Variants in DIS3L2 observed in about 807,000 individuals in gnomAD.
The protein encoded by DIS3L2 is DIS3 like 3'-5' exoribonuclease 2, also known as DIS3-like exonuclease 2.
In DIS3L2, 34 loss-of-function variants were observed where a neutral mutation model predicts 97.5. That is an observed-to-expected ratio of 0.35 (90% CI 0.27 to 0.46). DIS3L2 has a LOEUF of 0.46. DIS3L2 is among the 20% of genes least tolerant of loss of function. The pLI is 1.00. For synonymous variants in DIS3L2, 435 were observed against 445.2 expected, an observed-to-expected ratio of 0.98 and a Z score of 0.29; for missense variants, 1,038 against 1,146.0, an observed-to-expected ratio of 0.91 and a Z score of 1.36.
intron 1 of DIS3L2, among the ~76,000 whole-genome samples, chr2:231,970,266 T>A (rs1692861319): frequency 6.6e-6 from 1 of 152,184 alleles, no homozygotes; most frequent in African/African-American, 2.4e-5. Context: ...TTTGTTAATA[T>A]GGTGAAATAT....
In DIS3L2 at chr2:232,210,384, T is replaced by C; in HGVS notation, c.1183T>C (p.Ser395Pro). 6.2e-7 allele frequency: 1 copy of C among 1,613,610 alleles called. No homozygotes were observed. ...STARDLDDAL[S>P]CKPLADGNFK... ...CGCCCGAGACCTCGATGATGCCCTC[T>C]CCTGCAAGCCACTCGCTGACGGTAG... The change falls in exon 10 of 21, where the codon TCC (serine) becomes CCC (proline). Residue 395 changes from serine to proline, a missense_variant. Ser to Pro is a moderately conservative substitution (Grantham distance 74, BLOSUM62 -1). Coordinates refer to ENST00000325385, the MANE Select transcript of DIS3L2 (RefSeq NM_152383.5).
intron 14 of DIS3L2, 28 bp from the exon 15 acceptor site, chr2:232,329,785 T>TCCCGGGCCCCCCCC: frequency 1.0e-6 from 1 of 967,144 alleles, no homozygotes; most frequent in East Asian, 3.1e-5. Flanking sequence ...ACCCCAGCGG[T>TCCCGGGCCCCCCCC]CCCTCCCATC....
chr2:232,060,607 G>A (rs1434235439), intron 5 of DIS3L2, among the ~76,000 whole-genome samples: 1 of 151,976 alleles, frequency 6.6e-6, no homozygotes, highest in Admixed American at 6.6e-5. Context: ...TTCCAGTTTC[G>A]TTCCTTTTGC....
Position 232,263,186 on chromosome 2 carries a change from GTAATC to G in DIS3L2, c.1426-19_1426-15del. On this transcript the variant is annotated splice_polypyrimidine_tract_variant and intron_variant, in intron 12 of 20. Coordinates refer to ENST00000325385, the MANE Select transcript of DIS3L2 (RefSeq NM_152383.5). ...AAACATTTGTCCTCACAATTCCCTT[GTAATC>G]TGTCCATCTTTGCAGATCCTTGATG... The G allele has an allele frequency of 6.2e-7, 1 of 1,611,670 alleles. No homozygotes were observed. The highest frequency in any genetic ancestry group is 1.1e-5 in the South Asian group (1 of 90,968).
chr2:232,139,565 G>A (rs181145877), intron 8 of DIS3L2, among the ~76,000 whole-genome samples: 9 of 152,192 alleles, frequency 5.9e-5, no homozygotes, highest in African/African-American at 9.6e-5. Context: ...GAAAGAGCGT[G>A]GATAAAACAG....
In DIS3L2 at chr2:232,166,492, G is replaced by A. The variant is rs111378702; in HGVS notation, c.1124+2860G>A. 8.6e-4 allele frequency among the ~76,000 whole-genome samples: 131 copies of A among 152,292 alleles called. 1 individual carries two copies. Among genetic ancestry groups the A allele is most frequent in the Non-Finnish European group, 1.6e-3 (106 of 68,012 alleles). On this transcript the variant is annotated intron_variant, in intron 9 of 20. Coordinates refer to ENST00000325385, the MANE Select transcript of DIS3L2 (RefSeq NM_152383.5). ...TGTAATCCTAGCACTTTGGAAGGCG[G>A]AGGCTGGCAGATCATGAGATCGAGA...
intron 11 of DIS3L2, 123 bp downstream of exon 11, chr2:232,238,768 T>C: frequency 1.2e-6 from 1 of 831,108 alleles, no homozygotes; most frequent in East Asian, 2.7e-5. Flanking sequence ...GACACAGGTG[T>C]TCATCTGAGG....
chr2:231,981,005 G>A (rs1693237839), intron 1 of DIS3L2, among the ~76,000 whole-genome samples: 1 of 152,064 alleles, frequency 6.6e-6, no homozygotes, highest in Admixed American at 6.6e-5. Context: ...GTGCAGTGGT[G>A]CGATCTCGGC....
rs556338200 is a variant in DIS3L2, at chr2:232,072,250, T to G, written c.367-15237T>G. ...ATACTACATGTAGCATACTCAATGG[T>G]GATATGTGCTGAAGAGAAAAAAAAT... On this transcript the variant is annotated intron_variant, in intron 5 of 20. Coordinates refer to ENST00000325385, the MANE Select transcript of DIS3L2 (RefSeq NM_152383.5). 2.6e-5 allele frequency among the ~76,000 whole-genome samples: 4 copies of G among 152,070 alleles called. No homozygotes were observed. The South Asian group carries it at 8.3e-4, about 32-fold the overall frequency.
At chr2:232,127,580 G>A (rs1449461532) in intron 6 of DIS3L2, among the ~76,000 whole-genome samples, 2 of 152,182 alleles carry the variant, frequency 1.3e-5, no homozygotes, top group African/African-American at 4.8e-5. Context: ...CCTGGGCAAT[G>A]TTGCTGTCTT....
intron 9 of DIS3L2, among the ~76,000 whole-genome samples, chr2:232,173,144 C>T (rs777975155): frequency 6.6e-6 from 1 of 152,046 alleles, no homozygotes; most frequent in Non-Finnish European, 1.5e-5. Context: ...GATGAAGACC[C>T]GTTTAGTCTG....
At chr2:232,130,151 A>G (rs561394395) in intron 6 of DIS3L2, among the ~76,000 whole-genome samples, 3 of 152,324 alleles carry the variant, frequency 2.0e-5, no homozygotes, top group African/African-American at 7.2e-5. Flanking sequence ...TTTAATAAAT[A>G]TAATCTATTT....
intron 6 of DIS3L2, among the ~76,000 whole-genome samples, chr2:232,129,327 G>T (rs1328469659): frequency 6.6e-6 from 1 of 152,104 alleles, no homozygotes; most frequent in Admixed American, 6.6e-5. Context: ...CATTGGTGAG[G>T]TATGTTATGG....
At chr2:232,104,857 C>T (rs1258164962) in intron 6 of DIS3L2, among the ~76,000 whole-genome samples, 5 of 152,008 alleles carry the variant, frequency 3.3e-5, no homozygotes, top group Non-Finnish European at 7.4e-5. Flanking sequence ...TGGCTGTGTT[C>T]CCCAGGCTGG....
At chr2:232,157,347 T>C (rs563132370) in intron 8 of DIS3L2, among the ~76,000 whole-genome samples, 24 of 152,308 alleles carry the variant, frequency 1.6e-4, no homozygotes, top group African/African-American at 5.8e-4. Flanking sequence ...TGTAGGATGC[T>C]AAATCAGAGC....
intron 5 of DIS3L2, among the ~76,000 whole-genome samples, chr2:232,082,329 C>A (rs1696427225): frequency 6.6e-6 from 1 of 152,172 alleles, no homozygotes; most frequent in Admixed American, 6.5e-5. Flanking sequence ...TCTCCAGCCC[C>A]TGGGCCATGG....
Position 232,215,206 on chromosome 2 carries a change from G to A in DIS3L2, c.1204+4801G>A, listed in dbSNP as rs558282522. Among the ~76,000 whole-genome samples, 7 of 152,272 alleles carry A rather than the reference G, an allele frequency of 4.6e-5. No individual in the cohort carries two copies. The East Asian group carries it at 5.8e-4, about 13-fold the overall frequency. ...AGCAGAGGTCTTTATGGAATGCCCA[G>A]CTGGCTATCATAGTCACATCCCTCG... On this transcript the variant is annotated intron_variant, in intron 10 of 20. Coordinates refer to ENST00000325385, the MANE Select transcript of DIS3L2 (RefSeq NM_152383.5).
chr2:232,172,519 C>T (rs953647599), intron 9 of DIS3L2: 2 of 356,056 alleles, frequency 5.6e-6, no homozygotes, highest in Non-Finnish European at 1.2e-5. Flanking sequence ...ATGGATATTT[C>T]ACATTTTGTT....
intron 13 of DIS3L2, among the ~76,000 whole-genome samples, chr2:232,284,978 CTTTCATT>C (rs1476689825): frequency 2.6e-5 from 4 of 152,138 alleles, no homozygotes; most frequent in Non-Finnish European, 5.9e-5. Flanking sequence ...CCTTTTGAGG[CTTTCATT>C]TTACAGATGA....
Sources: allele counts gnomAD v4.1 joint callset (sites outside exome capture counted in the v4.1 genomes callset), GRCh38; gene constraint gnomAD v4.1.1; transcripts MANE v1.5; gene names NCBI Gene and HGNC (gene_info 2026-07-23, HGNC 2026-07-21).